WDFY4: variants seen among roughly 807,000 people sequenced by gnomAD.
WDFY4 encodes the protein WDFY family member 4, also known as WD repeat- and FYVE domain-containing protein 4.
Under a neutral mutation model 351.9 loss-of-function variants are expected in WDFY4, and 169 were observed. The ratio of observed to expected loss-of-function variants is 0.48; its 90% CI spans 0.42 to 0.55. The LOEUF is 0.55. Ranked by LOEUF, WDFY4 falls within the 20% of genes least tolerant of loss-of-function variation. WDFY4 has a pLI of 0.00. For missense variants in WDFY4, 3,803 were observed against 3,935.6 expected, an observed-to-expected ratio of 0.97 and a Z score of 0.90; for synonymous variants, 1,622 against 1,574.6, an observed-to-expected ratio of 1.03 and a Z score of -0.71.
chr10:48,902,661 C>T (rs924853546), intron 47 of WDFY4, among the ~76,000 whole-genome samples: 1 of 151,806 alleles, frequency 6.6e-6, no homozygotes, highest in Non-Finnish European at 1.5e-5. Context: ...TTCACATTCT[C>T]ACCAGGAGGA....
chr10:48,877,897 A>T (rs376090576), intron 43 of WDFY4: 2 of 152,436 alleles, frequency 1.3e-5, no homozygotes, highest in African/African-American at 4.8e-5. Flanking sequence ...CAAGTCTAAG[A>T]ATGCAATGGA....
intron 24 of WDFY4, among the ~76,000 whole-genome samples, chr10:48,799,154 C>G (rs943829278): frequency 1.3e-5 from 2 of 152,166 alleles, no homozygotes; most frequent in Non-Finnish European, 2.9e-5. Context: ...CTAGAATGGC[C>G]ATGGACACCA....
intron 39 of WDFY4, among the ~76,000 whole-genome samples, chr10:48,851,181 A>G (rs559798663): frequency 6.6e-6 from 1 of 152,260 alleles, no homozygotes; most frequent in African/African-American, 2.4e-5. Flanking sequence ...TCATCCATCT[A>G]GGGTCAGGAT....
At chr10:48,714,322 T>C (rs2063841188) in intron 2 of WDFY4, among the ~76,000 whole-genome samples, 1 of 152,234 alleles carries the variant, frequency 6.6e-6, no homozygotes, top group South Asian at 2.1e-4. Context: ...CCTTGCCTTT[T>C]CCTTGGGCTC....
At chr10:48,935,402 T>C (rs1840292502) in intron 47 of WDFY4, among the ~76,000 whole-genome samples, 1 of 152,384 alleles carries the variant, frequency 6.6e-6, no homozygotes, top group Non-Finnish European at 1.5e-5. Context: ...AGTTGGGCTT[T>C]TCCTGCTGTT....
At chr10:48,928,095 A>AT (rs1839727463) in intron 47 of WDFY4, among the ~76,000 whole-genome samples, 1 of 152,178 alleles carries the variant, frequency 6.6e-6, no homozygotes, top group East Asian at 1.9e-4. Flanking sequence ...GACAGGTGTT[A>AT]TTTTGTCTTC....
At chr10:48,755,516 AC>A (rs1392821787) in intron 12 of WDFY4, among the ~76,000 whole-genome samples, 1 of 152,118 alleles carries the variant, frequency 6.6e-6, no homozygotes, top group Non-Finnish European at 1.5e-5. Context: ...GTTTTGAGCT[AC>A]TTTTTGTACC....
intron 1 of WDFY4, among the ~76,000 whole-genome samples, chr10:48,706,501 T>G (rs1457291528): frequency 6.6e-6 from 1 of 152,160 alleles, no homozygotes; most frequent in African/African-American, 2.4e-5. Flanking sequence ...ACAACAGAGA[T>G]GCACTTGCTT....
At chr10:48,770,095 G>A (rs1327265462) in intron 13 of WDFY4, among the ~76,000 whole-genome samples, 1 of 152,028 alleles carries the variant, frequency 6.6e-6, no homozygotes. Flanking sequence ...TGGAACTAAC[G>A]TTGAAAAAAA....
intron 47 of WDFY4, among the ~76,000 whole-genome samples, chr10:48,936,793 G>A (rs148511061): frequency 0.029 from 4,279 of 147,966 alleles, 93 homozygotes; most frequent in Non-Finnish European, 0.048. Context: ...AGCCGAGATC[G>A]CGCCACTGCA....
intron 11 of WDFY4, among the ~76,000 whole-genome samples, chr10:48,741,730 T>A (rs2064857072): frequency 6.6e-6 from 1 of 152,130 alleles, no homozygotes; most frequent in Non-Finnish European, 1.5e-5. Context: ...GAACCTTGTC[T>A]CAGGCCTCCT....
chr10:48,720,474 G>C (rs2064046435), intron 3 of WDFY4, among the ~76,000 whole-genome samples: 2 of 149,628 alleles, frequency 1.3e-5, no homozygotes. Context: ...GACACACAGA[G>C]ATACAGAGAC....
At chr10:48,876,033 C>G (rs1006357404) in intron 42 of WDFY4, among the ~76,000 whole-genome samples, 13 of 152,200 alleles carry the variant, frequency 8.5e-5, no homozygotes, top group African/African-American at 2.9e-4. Flanking sequence ...GGATGATGGC[C>G]ATGGGCTGCT....
chr10:48,913,416 G>A (rs749157420), intron 47 of WDFY4: 1 of 1,612,384 alleles, frequency 6.2e-7, no homozygotes, highest in Non-Finnish European at 8.5e-7. Context: ...GGAGTCCTTG[G>A]CCATGGAATT....
intron 1 of WDFY4, among the ~76,000 whole-genome samples, chr10:48,686,315 C>CAAA (rs371080036): frequency 4.0e-5 from 4 of 99,070 alleles, no homozygotes; most frequent in African/African-American, 1.2e-4. Context: ...ACTCCATCTC[C>CAAA]AAAAAAAAAA....
intron 19 of WDFY4, among the ~76,000 whole-genome samples, chr10:48,783,485 T>C (rs1189125433): frequency 7.3e-6 from 1 of 136,464 alleles, no homozygotes; most frequent in Non-Finnish European, 1.7e-5. Flanking sequence ...TGTATATATC[T>C]TATGTATATA....
chr10:48,833,424 G>A (rs975671960), intron 39 of WDFY4, among the ~76,000 whole-genome samples: 8 of 151,958 alleles, frequency 5.3e-5, no homozygotes, highest in African/African-American at 1.9e-4. Flanking sequence ...ATGGTAGCAG[G>A]GTTTCAAAAG....
rs56286442 is a variant in WDFY4 at position 48,756,401 on chromosome 10, G to GT, written c.2460-3935dup. ...CTAAATTTAATTATTAGTTCTAGAA[G>GT]TTTTTTTTTTTATGGATTCCTTGGG... On this transcript the variant is annotated intron_variant, in intron 12 of 61. Coordinates refer to ENST00000325239, the MANE Select transcript of WDFY4 (RefSeq NM_001394531.1). Among the ~76,000 whole-genome samples the GT allele has an allele frequency of 8.6e-3, 1,292 of 150,638 alleles. 5 individuals carry two copies. Among genetic ancestry groups the GT allele is most frequent in the Non-Finnish European group, 0.012 (842 of 67,510 alleles).
intron 24 of WDFY4, 61 bp downstream of exon 24, chr10:48,796,511 C>A: frequency 2.6e-6 from 4 of 1,511,952 alleles, no homozygotes; most frequent in Middle Eastern, 1.9e-4. Flanking sequence ...TATGCTAAGT[C>A]TGGGCTTTCC....
Sources: gnomAD v4.1 joint callset for allele counts (sites outside exome capture counted in the v4.1 genomes callset) on GRCh38, gnomAD v4.1.1 for gene constraint, MANE v1.5 for transcripts, NCBI Gene and HGNC (gene_info 2026-07-23, HGNC 2026-07-21) for gene names.